The following AFF1 variants were observed in gnomAD, a reference collection of about 807,000 sequenced individuals.
AFF1 encodes AF4/FMR2 family member 1.
Under a neutral mutation model 121.7 loss-of-function variants are expected in AFF1, and 48 were observed. That is an observed-to-expected ratio of 0.39 (90% CI 0.31 to 0.50). AFF1 has a LOEUF of 0.50. Among genes scored for constraint, AFF1 ranks in the 20% least tolerant of loss-of-function variants. AFF1 has a pLI of 0.76. For synonymous variants in AFF1, 613 were observed against 563.0 expected (o/e 1.09, Z -1.26); for missense variants, 1,523 against 1,511.7 (o/e 1.01, Z -0.12).
At position 86,977,376 on chromosome 4, in the gene AFF1, T is replaced by C. The variant is rs148010010; in HGVS notation, c.38+28805T>C. Reference sequence around the variant, plus strand: ...AGAATTGTGTGCAATTTAAAACTTATGAATTGCTTATTTGTGGAATTTTCC... The same window carrying C: ...AGAATTGTGTGCAATTTAAAACTTACGAATTGCTTATTTGTGGAATTTTCC... On this transcript the variant is annotated intron_variant, in intron 2 of 20. Transcript: ENST00000395146. Among the ~76,000 whole-genome samples the C allele has an allele frequency of 9.2e-3, 1,399 of 152,326 alleles. 17 individuals are homozygous for C. Among genetic ancestry groups the C allele is most frequent in the Admixed American group, 0.021 (322 of 15,300 alleles).
intron 2 of AFF1, among the ~76,000 whole-genome samples, chr4:86,976,104 G>A (rs1002359431): frequency 3.3e-5 from 5 of 152,170 alleles, no homozygotes; most frequent in African/African-American, 1.2e-4. Flanking sequence ...ACAAGGAAGG[G>A]AACTTCTGTA....
chr4:87,120,038 C>A (rs557760223), intron 12 of AFF1, among the ~76,000 whole-genome samples: 3 of 152,216 alleles, frequency 2.0e-5, no homozygotes, highest in Non-Finnish European at 4.4e-5. Context: ...AGGCCACTTA[C>A]ATCTAAATTT....
In AFF1 at chr4:87,106,951, A is replaced by G. The variant is rs561324084; in HGVS notation, c.1376+1106A>G. ...TTTCTGGTGGGTTATGATGACTCAT[A>G]AAACATGACAAGGTAGCCTAACTTC... is the stretch of plus-strand genomic sequence containing the variant. On this transcript the variant is annotated intron_variant, in intron 10 of 20. Transcript: ENST00000395146. Among the ~76,000 whole-genome samples, 6 of 152,360 alleles carry G rather than the reference A, an allele frequency of 3.9e-5. No individual in the cohort carries two copies. The South Asian group carries it at 1.2e-3, about 32-fold the overall frequency.
At chr4:87,045,605 TC>T in intron 2 of AFF1, among the ~76,000 whole-genome samples, 1 of 152,284 alleles carries the variant, frequency 6.6e-6, no homozygotes, top group African/African-American at 2.4e-5. Flanking sequence ...GAAATAAAAA[TC>T]ATTTTTTGTG....
chr4:87,022,034 C>T (rs141189571), intron 2 of AFF1, among the ~76,000 whole-genome samples: 3,054 of 152,116 alleles, frequency 0.02, 51 homozygotes, highest in Non-Finnish European at 0.027. Context: ...GAAACTCCAT[C>T]TCTACTAAAA....
Position 87,041,470 on chromosome 4 carries a change from ACT to A in AFF1, c.39-4693_39-4692del, listed in dbSNP as rs1176430042. Among the ~76,000 whole-genome samples the A allele has an allele frequency of 7.9e-5, 12 of 151,506 alleles. 1 individual carries two copies. Among genetic ancestry groups the A allele is most frequent in the Admixed American group, 1.3e-4 (2 of 15,216 alleles). On this transcript the variant is annotated intron_variant, in intron 2 of 20. Coordinates refer to ENST00000395146, the MANE Select transcript of AFF1 (RefSeq NM_001166693.3). ...CCATGTCAGGCCTACTGCCTTAGAA[ACT>A]CTGTAGGTCTCTGTGATCTGTGTTT...
intron 4 of AFF1, among the ~76,000 whole-genome samples, chr4:87,059,477 C>T (rs1720503441): frequency 6.6e-6 from 1 of 152,190 alleles, no homozygotes; most frequent in Non-Finnish European, 1.5e-5. Context: ...TGGATTTTTA[C>T]CGTCTTTCTT....
At chr4:87,086,553 G>GTGGA (rs1166720993) in intron 5 of AFF1, among the ~76,000 whole-genome samples, 2 of 152,144 alleles carry the variant, frequency 1.3e-5, no homozygotes, top group Non-Finnish European at 2.9e-5. Flanking sequence ...ACAGAAGGAC[G>GTGGA]TCCAGGACTG....
chr4:87,126,800 C>T (rs567058591), intron 14 of AFF1, among the ~76,000 whole-genome samples: 1 of 152,172 alleles, frequency 6.6e-6, no homozygotes, highest in Non-Finnish European at 1.5e-5. Context: ...TTTGTGAGTT[C>T]TCTGATCTCT....
intron 2 of AFF1, among the ~76,000 whole-genome samples, chr4:86,989,403 A>G (rs1025866044): frequency 1.3e-5 from 2 of 152,250 alleles, no homozygotes; most frequent in African/African-American, 4.8e-5. Context: ...GAAGACATTT[A>G]TGCGGCCAAC....
At position 87,047,002 on chromosome 4, in the gene AFF1, A is replaced by C; in HGVS notation, c.467A>C (p.Lys156Thr). The change falls in exon 4 of 21, where the codon AAA becomes ACA. Residue 156 changes from lysine (K) to threonine (T), a missense_variant. By Grantham distance (78) the Lys-to-Thr change is moderately conservative. Coordinates refer to ENST00000395146, the MANE Select transcript of AFF1 (RefSeq NM_001166693.3). Reference sequence around the variant, plus strand: ...GAACCAATGCCAAGTCTCCATGCCAAAAGCTGCGGCCCACCGGACAGCCAG... The same window carrying C: ...GAACCAATGCCAAGTCTCCATGCCACAAGCTGCGGCCCACCGGACAGCCAG... ...RTEPMPSLHA[K>T]SCGPPDSQHL... 2 of 1,614,094 alleles carry C rather than the reference A, an allele frequency of 1.2e-6. No individual in the cohort carries two copies.
chr4:87,061,019 TCTAGTGAA>T (rs1367309377), intron 4 of AFF1, among the ~76,000 whole-genome samples: 3 of 152,172 alleles, frequency 2.0e-5, no homozygotes, highest in Non-Finnish European at 4.4e-5. Flanking sequence ...CGCTCAGGAT[TCTAGTGAA>T]CTAGTTGCTA....
intron 8 of AFF1, among the ~76,000 whole-genome samples, chr4:87,097,325 A>ATC (rs1323700679): frequency 4.6e-5 from 7 of 152,162 alleles, no homozygotes; most frequent in Non-Finnish European, 1.0e-4. Context: ...GCTGGGTCTG[A>ATC]TCTACGCCTG....
chr4:87,019,453 T>C (rs115291990), intron 2 of AFF1, among the ~76,000 whole-genome samples: 510 of 152,332 alleles, frequency 3.3e-3, no homozygotes, highest in African/African-American at 0.011. Context: ...GAGGAAGGAA[T>C]GCTGTACAGA....
chr4:87,125,853 T>C (rs1029064515), intron 13 of AFF1, among the ~76,000 whole-genome samples: 8 of 151,978 alleles, frequency 5.3e-5, no homozygotes, highest in Non-Finnish European at 8.8e-5. Flanking sequence ...TTCGGAATGG[T>C]TGGGGAAAGT....
chr4:87,040,134 A>C (rs1247403543), intron 2 of AFF1, among the ~76,000 whole-genome samples: 2 of 152,114 alleles, frequency 1.3e-5, no homozygotes, highest in Non-Finnish European at 2.9e-5. Flanking sequence ...ACCTCAGGTG[A>C]TCCTCCCACC....
At chr4:87,014,154 G>A (rs1328728950) in intron 2 of AFF1, among the ~76,000 whole-genome samples, 1 of 152,072 alleles carries the variant, frequency 6.6e-6, no homozygotes, top group East Asian at 1.9e-4. Context: ...ATACCAAGAA[G>A]CAATTCCCAG....
intron 4 of AFF1, among the ~76,000 whole-genome samples, chr4:87,054,692 C>T (rs965408526): frequency 6.6e-6 from 1 of 152,170 alleles, no homozygotes; most frequent in Non-Finnish European, 1.5e-5. Flanking sequence ...GACTTCCAAA[C>T]CGCTTGTAAG....
At chr4:87,055,701 G>T (rs1443606577) in intron 4 of AFF1, among the ~76,000 whole-genome samples, 1 of 152,212 alleles carries the variant, frequency 6.6e-6, no homozygotes, top group Non-Finnish European at 1.5e-5. Context: ...GATATTCCAA[G>T]GGGAATCTTG....
Sources: allele counts gnomAD v4.1 joint callset (sites outside exome capture counted in the v4.1 genomes callset), GRCh38; gene constraint gnomAD v4.1.1; transcripts MANE v1.5; gene names NCBI Gene and HGNC (gene_info 2026-07-23, HGNC 2026-07-21).